The following TTN variants were observed in gnomAD, a reference collection of about 807,000 sequenced individuals.
TTN encodes titin.
In TTN, 1,525 loss-of-function variants were observed where a neutral mutation model predicts 3,223.0. The observed-to-expected ratio is 0.47, with a 90% CI of 0.45 to 0.49. The LOEUF is 0.49. Ranked by LOEUF, TTN falls within the 20% of genes least tolerant of loss-of-function variation. TTN has a pLI of 0.00. For synonymous variants in TTN, 14,094 were observed against 15,161.0 expected (o/e 0.93, Z 5.17); for missense variants, 40,786 against 43,424.0 (o/e 0.94, Z 5.40).
Position 178,719,848 on chromosome 2 carries a change from T to A in TTN, c.23660-16A>T. 6.3e-7 allele frequency: 1 copy of A among 1,592,776 alleles called. No homozygotes were observed. The highest frequency in any genetic ancestry group is 8.6e-7 in the Non-Finnish European group (1 of 1,168,622). Reference sequence around the variant, plus strand: ...CTTGCTGGTTCTAAAAGAAGAAGTATTTTGCATTGAAAACAAAGTAACCTT... The same window carrying A: ...CTTGCTGGTTCTAAAAGAAGAAGTAATTTGCATTGAAAACAAAGTAACCTT... On this transcript the variant is annotated splice_polypyrimidine_tract_variant and intron_variant, in intron 81 of 362. Coordinates refer to ENST00000589042, the MANE Select transcript of TTN (RefSeq NM_001267550.2).
Position 178,531,505 on chromosome 2 carries a change from G to T in TTN, c.105110C>A (p.Thr35037Asn). 1 of 1,613,860 alleles carries T rather than the reference G, an allele frequency of 6.2e-7. No individual in the cohort carries two copies. Among genetic ancestry groups the T allele is most frequent in the Non-Finnish European group, 8.5e-7 (1 of 1,179,878 alleles). The change falls in exon 358 of 363, where the codon ACC becomes AAC. Residue 35037 changes from threonine to asparagine, a missense_variant. By Grantham distance (65) the Thr-to-Asn change is moderately conservative. Transcript: ENST00000589042. ...ATLDVTGGDY[T>N]TYASQRRDEE... ...ATCTCTGCGTTGGGAAGCATAGGTG[G>T]TATAATCCCCTCCTGTCACGTCCAA... is the stretch of plus-strand genomic sequence containing the variant.
chr2:178,685,124 C>T (rs578227953), intron 129 of TTN, 129 bp downstream of exon 129: 9 of 1,139,916 alleles, frequency 7.9e-6, no homozygotes, highest in Non-Finnish European at 1.1e-5. Flanking sequence ...TAAATACGTT[C>T]ATACATGTGT....
rs1342398434 is a variant in TTN at position 178,535,542 on chromosome 2, G to C, written c.101073C>G (p.Asp33691Glu). The change falls in exon 358 of 363, where the codon GAC (aspartate) becomes GAG (glutamate). Residue 33691 changes from aspartate to glutamate, a missense_variant. By Grantham distance (45) the Asp-to-Glu change is conservative. Transcript: ENST00000589042. The part of the protein sequence containing the change: ...TVELDVADVP[D>E]PPRGVKVSDV... The stretch of plus-strand genomic sequence containing the variant: ...CACTAACTTTGACTCCTCTGGGTGG[G>C]TCAGGAACATCAGCCACATCCAGTT... 2 of 1,613,878 alleles carry C rather than the reference G, an allele frequency of 1.2e-6. No homozygotes were observed. Among genetic ancestry groups the C allele is most frequent in the Non-Finnish European group, 1.7e-6 (2 of 1,179,832 alleles).
chr2:178,607,376 T>C, intron 277 of TTN, 25 bp downstream of exon 277: 1 of 1,612,750 alleles, frequency 6.2e-7, no homozygotes, highest in Non-Finnish European at 8.5e-7. Flanking sequence ...GAAAATCCTG[T>C]GAAAATCAGT....
intron 34 of TTN, 27 bp from the exon 35 acceptor site, chr2:178,770,702 G>C (rs774840023): frequency 3.0e-5 from 48 of 1,604,074 alleles, no homozygotes; most frequent in Non-Finnish European, 4.0e-5. Context: ...GATTGGGTTA[G>C]AAAATATAGA....
Position 178,723,115 on chromosome 2 carries a change from C to T in TTN, c.21892G>A (p.Gly7298Arg), listed in dbSNP as rs878854292. The T allele has an allele frequency of 4.3e-6, 7 of 1,613,508 alleles. No individual in the cohort carries two copies. The highest frequency in any genetic ancestry group is 5.1e-6 in the Non-Finnish European group (6 of 1,179,694). Residue 7298 changes from glycine (G) to arginine (R), a missense_variant, in exon 75 of 363, where the codon GGG becomes AGG. Coordinates refer to ENST00000589042, the MANE Select transcript of TTN (RefSeq NM_001267550.2). ...TTTTCAATCTCGCAGGAATACTGCC[C>T]TGCATCTCTTTTTGTGCTATTCAGA... ...EILNSTKRDA[G>R]QYSCEIENEA...
At chr2:178,772,936 A>T (rs980969239) in intron 33 of TTN, 173 bp downstream of exon 33, 2 of 770,006 alleles carry the variant, frequency 2.6e-6, no homozygotes, top group Non-Finnish European at 4.1e-6. Context: ...GCCTAGAAGA[A>T]CATTTGTAAT....
At position 178,673,517 on chromosome 2, in the gene TTN, C is replaced by T. The variant is rs573629984; in HGVS notation, c.34786+116G>A. 1.2e-4 allele frequency: 78 copies of T among 664,144 alleles called. 1 individual carries two copies. Among genetic ancestry groups the T allele is most frequent in the Non-Finnish European group, 1.7e-4 (71 of 417,844 alleles). 41.1% of individuals were successfully genotyped at this position (664,144 alleles called of 1,614,324 possible). A position where few individuals can be genotyped will look rare whatever the true frequency, so the allele number is the denominator to read the frequency against. ...GGAATGAGTTATATTTTTACTGGTC[C>T]TTAATCAGTTCACTATCTAAATGAT... is the stretch of plus-strand genomic sequence containing the variant. On this transcript the variant is annotated intron_variant, in intron 152 of 362. Coordinates refer to ENST00000589042, the MANE Select transcript of TTN (RefSeq NM_001267550.2).
chr2:178,663,670 C>T lies in TTN; in HGVS notation c.36489G>A (p.Ala12163=), dbSNP rs115493456. 2.0e-3 allele frequency: 3,244 copies of T among 1,613,564 alleles called. 56 individuals are homozygous for T. In the African/African-American group the frequency reaches 0.038, roughly 19 times the overall value. ...PPKEVVPEKK[A]PVAPPKEPEV... ...CAGGCTCTTTAGGAGGAGCCACTGG[C>T]GCTTTCTTTTCAGGAACTACTTCTT... Residue 12163 remains alanine, a synonymous_variant, in exon 171 of 363, where the codon GCG becomes GCA. Transcript: ENST00000589042.
chr2:178,751,481 G>C, intron 47 of TTN: 1 of 1,613,280 alleles, frequency 6.2e-7, no homozygotes, highest in Non-Finnish European at 8.5e-7. Context: ...GTTAAAGGGA[G>C]AGCCAGTAAA....
Position 178,722,523 on chromosome 2 carries a change from C to A in TTN, c.22264G>T (p.Ala7422Ser). Residue 7422 changes from alanine to serine, a missense_variant, in exon 77 of 363, where the codon GCA (alanine) becomes TCA (serine). Physicochemically the swap from Ala to Ser is moderately conservative, Grantham distance 99. Transcript: ENST00000589042. ...IQERQLPPSF[A>S]RQLKDIEQTV... ...TGTTCAATGTCCTTTAATTGTCTTG[C>A]AAAAGAAGGTGGGAGTTGGCGCTCT... The A allele has an allele frequency of 6.2e-7, 1 of 1,611,910 alleles. No individual in the cohort carries two copies. The highest frequency in any genetic ancestry group is 8.5e-7 in the Non-Finnish European group (1 of 1,178,726).
At chr2:178,687,963 A>G (rs2071338913) in intron 127 of TTN, 148 bp downstream of exon 127, 1 of 635,360 alleles carries the variant, frequency 1.6e-6, no homozygotes, top group South Asian at 2.0e-5. Flanking sequence ...TTGTGTTTTG[A>G]TCAAAATATT....
In TTN at chr2:178,595,735, A is replaced by G; in HGVS notation, c.57619T>C (p.Ser19207Pro). The G allele has an allele frequency of 6.2e-7, 1 of 1,609,470 alleles. No homozygotes were observed. The highest frequency in any genetic ancestry group is 8.5e-7 in the Non-Finnish European group (1 of 1,178,058). The change falls in exon 295 of 363, where the codon TCT becomes CCT. Residue 19207 changes from serine to proline, a missense_variant. Physicochemically the swap from Ser to Pro is moderately conservative, Grantham distance 74. Transcript: ENST00000589042. ...TNESCKLTWF[S>P]PEDDGGSPIT... ...GGAGAGCCTCCATCATCTTCTGGAG[A>G]AAACCATGTCAGTTTGCAGGACTCA...
chr2:178,579,582 C>A lies in TTN; in HGVS notation c.67615G>T (p.Val22539Phe), dbSNP rs558955595. 1 of 1,613,276 alleles carries A rather than the reference C, an allele frequency of 6.2e-7. No individual in the cohort carries two copies. Among genetic ancestry groups the A allele is most frequent in the African/African-American group, 1.3e-5 (1 of 75,008 alleles). The change falls in exon 319 of 363, where the codon GTT (valine) becomes TTT (phenylalanine). Residue 22539 changes from valine to phenylalanine, a missense_variant. By Grantham distance (50) the Val-to-Phe change is conservative (BLOSUM62 -1). Coordinates refer to ENST00000589042, the MANE Select transcript of TTN (RefSeq NM_001267550.2). ...TTACCAACATCATCCCTTGCCACAA[C>A]AGTGATTTCGCTTGGGGTTCCTTCT... ...NGEGTPSEIT[V>F]VARDDVVAPD...
rs963739938 is a variant in TTN at position 178,557,783 on chromosome 2, T to C, written c.87571A>G (p.Thr29191Ala). 10 of 1,614,018 alleles carry C rather than the reference T, an allele frequency of 6.2e-6. No homozygotes were observed. Among genetic ancestry groups the C allele is most frequent in the Non-Finnish European group, 8.5e-6 (10 of 1,179,846 alleles). The change falls in exon 328 of 363, where the codon ACA becomes GCA. Residue 29191 changes from threonine to alanine, a missense_variant. Coordinates refer to ENST00000589042, the MANE Select transcript of TTN (RefSeq NM_001267550.2). Reference protein sequence around the residue: ...STAVWTEVSATVARTMMKVMK... With the variant: ...STAVWTEVSAAVARTMMKVMK... ...ACTTTCATCATGGTTCTTGCAACTGTTGCAGACACTTCAGTCCACACTGCA... is the reference window on the plus strand; with the variant it reads ...ACTTTCATCATGGTTCTTGCAACTGCTGCAGACACTTCAGTCCACACTGCA...
At position 178,606,337 on chromosome 2, in the gene TTN, C is replaced by T. The variant is rs556614757; in HGVS notation, c.53582-624G>A. 2.6e-5 allele frequency among the ~76,000 whole-genome samples: 4 copies of T among 151,646 alleles called. No individual in the cohort carries two copies. In the East Asian group the frequency reaches 7.8e-4, roughly 30 times the overall value. On this transcript the variant is annotated intron_variant, in intron 278 of 362. Coordinates refer to ENST00000589042, the MANE Select transcript of TTN (RefSeq NM_001267550.2). The stretch of plus-strand genomic sequence containing the variant: ...CTGGCACAGCCTGTGGTATATTGGA[C>T]GTTCATAGATGAGCTGCAGCAGTGA...
intron 43 of TTN, among the ~76,000 whole-genome samples, chr2:178,761,777 A>ATTAT (rs2089266652): frequency 6.6e-6 from 1 of 152,190 alleles, no homozygotes; most frequent in Non-Finnish European, 1.5e-5. Flanking sequence ...GGAAACAATA[A>ATTAT]ATGGTAGAAT....
chr2:178,620,098 T>C lies in TTN; in HGVS notation c.46319A>G (p.Lys15440Arg). The part of the protein sequence containing the change: ...IKEGKKYKFE[K>R]DGSIHRLIIK... Reference sequence around the variant, plus strand: ...AATGAGTCTGTGTATACTTCCATCTTTTTCAAATTTGTATCTAAAGGAGAC... The same window carrying C: ...AATGAGTCTGTGTATACTTCCATCTCTTTCAAATTTGTATCTAAAGGAGAC... The change falls in exon 249 of 363, where the codon AAA (lysine) becomes AGA (arginine). Residue 15440 changes from lysine (K) to arginine (R), a missense_variant. Coordinates refer to ENST00000589042, the MANE Select transcript of TTN (RefSeq NM_001267550.2). The C allele has an allele frequency of 6.2e-7, 1 of 1,609,470 alleles. No individual in the cohort carries two copies. Among genetic ancestry groups the C allele is most frequent in the South Asian group, 1.1e-5 (1 of 89,848 alleles).
chr2:178,633,113 G>A (rs72650083), intron 233 of TTN, 69 bp from the exon 234 acceptor site: 49 of 1,599,030 alleles, frequency 3.1e-5, no homozygotes, highest in Non-Finnish European at 3.8e-5. Flanking sequence ...AAATCATCAA[G>A]ATATTTTATG....
Sources: allele counts gnomAD v4.1 joint callset (sites outside exome capture counted in the v4.1 genomes callset), GRCh38; gene constraint gnomAD v4.1.1; transcripts MANE v1.5; gene names NCBI Gene and HGNC (gene_info 2026-07-23, HGNC 2026-07-21).